The following JMY variants were observed in gnomAD, a reference collection of about 807,000 sequenced individuals.
JMY encodes the protein junction-mediating and -regulatory protein.
In JMY, 46 loss-of-function variants were observed where a neutral mutation model predicts 103.3. That is an observed-to-expected ratio of 0.45 (90% CI 0.35 to 0.57). The LOEUF is 0.57. Ranked by LOEUF, JMY falls within the 20% of genes least tolerant of loss-of-function variation. JMY has a pLI of 0.00. For synonymous variants in JMY, 526 were observed against 489.3 expected (o/e 1.07, Z -0.99); for missense variants, 1,238 against 1,255.2 (o/e 0.99, Z 0.21).
chr5:79,267,157 C>T (rs987562014), intron 1 of JMY, among the ~76,000 whole-genome samples: 4 of 152,192 alleles, frequency 2.6e-5, no homozygotes, highest in Admixed American at 6.5e-5. Flanking sequence ...AATTTATGAA[C>T]CAGTATCCAT....
intron 10 of JMY, among the ~76,000 whole-genome samples, chr5:79,316,898 T>TAAAAAAA (rs34558016): frequency 2.4e-5 from 2 of 83,642 alleles, no homozygotes; most frequent in East Asian, 8.0e-4. Context: ...GACTCAGTCT[T>TAAAAAAA]AAAAAAAAAA....
At chr5:79,291,415 A>G (rs1297542251) in intron 4 of JMY, 116 bp downstream of exon 4, 23 of 804,890 alleles carry the variant, frequency 2.9e-5, no homozygotes, top group Non-Finnish European at 4.1e-5. Flanking sequence ...TCTTCATGAG[A>G]TGAAAACACT....
chr5:79,287,797 T>G (rs887405150), intron 2 of JMY, among the ~76,000 whole-genome samples: 1 of 152,232 alleles, frequency 6.6e-6, no homozygotes, highest in Non-Finnish European at 1.5e-5. Flanking sequence ...GTCAAAGGAT[T>G]TAGACTTTTC....
chr5:79,273,358 C>T (rs1401780407), intron 1 of JMY, among the ~76,000 whole-genome samples: 5 of 152,044 alleles, frequency 3.3e-5, no homozygotes, highest in Non-Finnish European at 7.4e-5. Context: ...CTCATCTGTT[C>T]TCTATTGTTT....
At chr5:79,319,441 G>GA (rs1747365223) in intron 10 of JMY, among the ~76,000 whole-genome samples, 1 of 152,184 alleles carries the variant, frequency 6.6e-6, no homozygotes, top group Non-Finnish European at 1.5e-5. Context: ...ATTAGGCAGT[G>GA]ATGAAGTAGC....
rs764902691 is a variant in JMY, at chr5:79,280,937, TA to T, written c.1206+2866del. On this transcript the variant is annotated intron_variant, in intron 2 of 10. Coordinates refer to ENST00000396137, the MANE Select transcript of JMY (RefSeq NM_152405.5). ...TCAGACTTTTTAAATCTGGAGGAGC[TA>T]AAAAAAAAAAAGCAAGTATAATTGA... Among the ~76,000 whole-genome samples, 390 of 137,752 alleles carry T rather than the reference TA, an allele frequency of 2.8e-3. 1 individual carries two copies. The highest frequency in any genetic ancestry group is 3.7e-3 in the Middle Eastern group (1 of 268). The allele number at this position is 137,752 out of a possible 152,430, so 90.4% of individuals were successfully genotyped here. A position where few individuals can be genotyped will look rare whatever the true frequency, so the allele number is the denominator to read the frequency against.
rs941104040 is a variant in JMY, at chr5:79,314,346, G to T, written c.2154G>T (p.Glu718Asp). The T allele has an allele frequency of 2.5e-6, 4 of 1,614,030 alleles. No individual in the cohort carries two copies. The highest frequency in any genetic ancestry group is 3.4e-6 in the Non-Finnish European group (4 of 1,180,034). ...RKGAASPVLQ[E>D]DHCDSLPSVL... ...GTGCAGCAAGTCCTGTTCTCCAAGA[G>T]GATCATTGTGACTCTTTACCAAGTG... Residue 718 changes from glutamate to aspartate, a missense_variant, in exon 9 of 11, where the codon GAG becomes GAT. Physicochemically the swap from Glu to Asp is conservative, Grantham distance 45. Transcript: ENST00000396137.
At chr5:79,279,087 A>C (rs1746035709) in intron 2 of JMY, among the ~76,000 whole-genome samples, 1 of 152,094 alleles carries the variant, frequency 6.6e-6, no homozygotes, top group Admixed American at 6.6e-5. Flanking sequence ...TAATCCCAGC[A>C]CTTTGGGAGG....
chr5:79,294,026 A>G (rs1163299517), intron 4 of JMY, among the ~76,000 whole-genome samples: 1 of 152,224 alleles, frequency 6.6e-6, no homozygotes, highest in African/African-American at 2.4e-5. Flanking sequence ...ATATGCTGGA[A>G]GTGTTATTAA....
Position 79,310,235 on chromosome 5 carries a change from G to A in JMY, c.1969-2168G>A, listed in dbSNP as rs565890183. Among the ~76,000 whole-genome samples, 43 of 151,620 alleles carry A rather than the reference G, an allele frequency of 2.8e-4. 1 individual carries two copies. Among genetic ancestry groups the A allele is most frequent in the Admixed American group, 2.8e-3 (42 of 15,236 alleles). On this transcript the variant is annotated intron_variant, in intron 7 of 10. Transcript: ENST00000396137. ...ATGCCACCACACCTGGCTAATTTTT[G>A]TATTTTTAGTAGATGGGGTTTCACC...
chr5:79,246,712 C>T (rs566052427), intron 1 of JMY, among the ~76,000 whole-genome samples: 1 of 152,202 alleles, frequency 6.6e-6, no homozygotes, highest in African/African-American at 2.4e-5. Context: ...AAAACCCTGT[C>T]TCTACTAAAA....
chr5:79,255,252 A>T (rs529072441), intron 1 of JMY, among the ~76,000 whole-genome samples: 79 of 151,300 alleles, frequency 5.2e-4, no homozygotes, highest in South Asian at 2.7e-3. Flanking sequence ...ACCCACCACC[A>T]CGCCTGGCTA....
intron 1 of JMY, among the ~76,000 whole-genome samples, chr5:79,250,010 A>T (rs1745028511): frequency 6.6e-6 from 1 of 152,216 alleles, no homozygotes; most frequent in South Asian, 2.1e-4. Flanking sequence ...GGAAGAATGA[A>T]AGAATGTACG....
intron 7 of JMY, among the ~76,000 whole-genome samples, chr5:79,311,674 G>T (rs1447021841): frequency 6.6e-6 from 1 of 152,098 alleles, no homozygotes; most frequent in Non-Finnish European, 1.5e-5. Flanking sequence ...GCTTTTAGAT[G>T]ATTCAACTCT....
chr5:79,263,847 G>A (rs1390665813), intron 1 of JMY, among the ~76,000 whole-genome samples: 1 of 151,904 alleles, frequency 6.6e-6, no homozygotes, highest in East Asian at 1.9e-4. Flanking sequence ...GCCCAGGCTG[G>A]AGTGCAGTGG....
intron 1 of JMY, among the ~76,000 whole-genome samples, chr5:79,263,188 G>C (rs964734714): frequency 6.6e-6 from 1 of 152,110 alleles, no homozygotes; most frequent in Non-Finnish European, 1.5e-5. Flanking sequence ...GAAAGTGTTA[G>C]TTTTCAAGCG....
At chr5:79,310,458 A>C (rs1747014170) in intron 7 of JMY, among the ~76,000 whole-genome samples, 2 of 152,214 alleles carry the variant, frequency 1.3e-5, no homozygotes, top group Admixed American at 1.3e-4. Flanking sequence ...CAGAGAATGA[A>C]TCCATTAAAT....
intron 1 of JMY, among the ~76,000 whole-genome samples, chr5:79,253,495 T>A (rs537210776): frequency 2.5e-4 from 38 of 152,256 alleles, no homozygotes; most frequent in African/African-American, 8.7e-4. Context: ...GGTTTCACCG[T>A]GTTAGCCAGG....
chr5:79,270,491 ATAAAATATATATTTACATAAATATT>A lies in JMY; in HGVS notation c.1033-7387_1033-7363del, dbSNP rs1561297743. On this transcript the variant is annotated intron_variant, in intron 1 of 10. Coordinates refer to ENST00000396137, the MANE Select transcript of JMY (RefSeq NM_152405.5). Reference sequence around the variant, plus strand: ...AATGTATATTTACATAAATATTTACATAAAATATATATTTACATAAATATTTAAAATATATATTTACATAAATATT... The same window carrying A: ...AATGTATATTTACATAAATATTTACATAAAATATATATTTACATAAATATT... Among the ~76,000 whole-genome samples the A allele has an allele frequency of 1.0e-2, 850 of 85,406 alleles. 145 individuals carry two copies. Among genetic ancestry groups the A allele is most frequent in the African/African-American group, 0.028 (480 of 17,408 alleles). 56.0% of individuals were successfully genotyped at this position (85,406 alleles called of 152,430 possible). A position where few individuals can be genotyped will look rare whatever the true frequency, so the allele number is the denominator to read the frequency against.
Sources: gnomAD v4.1 joint callset for allele counts (sites outside exome capture counted in the v4.1 genomes callset) on GRCh38, gnomAD v4.1.1 for gene constraint, MANE v1.5 for transcripts, NCBI Gene and HGNC (gene_info 2026-07-23, HGNC 2026-07-21) for gene names.